The following ACACB variants were observed in gnomAD, a reference collection of about 807,000 sequenced individuals.
ACACB encodes acetyl-CoA carboxylase 2.
Under a neutral mutation model 278.8 loss-of-function variants are expected in ACACB, and 209 were observed. That is an observed-to-expected ratio of 0.75 (90% CI 0.67 to 0.84). The LOEUF (loss-of-function observed/expected upper bound fraction) is 0.84. ACACB is among the 40% of genes least tolerant of loss of function. The probability of loss-of-function intolerance (pLI) is 0.00; values close to 1 mark genes in which losing one functional copy is unlikely to be tolerated. For missense variants in ACACB, 2,850 were observed against 3,269.0 expected (o/e 0.87, Z 3.13); for synonymous variants, 1,174 against 1,285.6 (o/e 0.91, Z 1.86).
At chr12:109,177,237 G>C (rs1464326986) in intron 9 of ACACB, among the ~76,000 whole-genome samples, 3 of 152,220 alleles carry the variant, frequency 2.0e-5, no homozygotes, top group Non-Finnish European at 1.5e-5. Context: ...TGTGGCAATA[G>C]CCTTATTTAT....
At chr12:109,124,153 AT>A (rs1195882121) in intron 1 of ACACB, among the ~76,000 whole-genome samples, 2 of 152,198 alleles carry the variant, frequency 1.3e-5, no homozygotes, top group African/African-American at 4.8e-5. Flanking sequence ...TACCTAGTTC[AT>A]GCTGACTGTC....
chr12:109,167,750 A>T, intron 3 of ACACB, 146 bp from the exon 4 acceptor site: 1 of 1,234,244 alleles, frequency 8.1e-7, no homozygotes, highest in Admixed American at 2.1e-5. Context: ...GGTGTGTGCC[A>T]TGGAAATACA....
chr12:109,140,352 C>G (rs925116922), intron 2 of ACACB, among the ~76,000 whole-genome samples: 1 of 126,678 alleles, frequency 7.9e-6, no homozygotes, highest in Non-Finnish European at 1.6e-5. Context: ...CCTTCCTTCC[C>G]TCCTTTCAAA....
intron 2 of ACACB, among the ~76,000 whole-genome samples, chr12:109,150,853 T>C (rs924661457): frequency 6.6e-6 from 1 of 152,260 alleles, no homozygotes; most frequent in African/African-American, 2.4e-5. Flanking sequence ...CTTCCTGTAA[T>C]GTTTAATTTA....
chr12:109,256,085 G>C, intron 44 of ACACB, 55 bp from the exon 45 acceptor site: 2 of 1,497,466 alleles, frequency 1.3e-6, no homozygotes. Flanking sequence ...GGAGTGTCCT[G>C]GGGGCCCCCA....
intron 1 of ACACB, among the ~76,000 whole-genome samples, chr12:109,121,000 C>T (rs531100081): frequency 3.9e-5 from 6 of 152,234 alleles, no homozygotes; most frequent in Admixed American, 6.5e-5. Context: ...GGTGCAGTGG[C>T]GTGATCTCAG....
chr12:109,222,266 C>T (rs2046189681), intron 24 of ACACB, among the ~76,000 whole-genome samples: 1 of 139,658 alleles, frequency 7.2e-6, no homozygotes, highest in Non-Finnish European at 1.6e-5. Context: ...GCATTTAGGG[C>T]ATGTTGTGGG....
At position 109,233,816 on chromosome 12, in the gene ACACB, G is replaced by T; in HGVS notation, c.4208G>T (p.Arg1403Leu). The T allele has an allele frequency of 2.5e-6, 4 of 1,614,156 alleles. No homozygotes were observed. Among genetic ancestry groups the T allele is most frequent in the Non-Finnish European group, 2.5e-6 (3 of 1,180,032 alleles). The change falls in exon 30 of 53, where the codon CGC (arginine) becomes CTC (leucine). Residue 1403 changes from arginine (R) to leucine (L), a missense_variant. Physicochemically the swap from Arg to Leu is moderately radical, Grantham distance 102. Around this residue, in one of 3 missense-constraint regions of ACACB, gnomAD observed 2,265 missense variants for 2,561.3 expected, o/e 0.88. Coordinates refer to ENST00000338432, the MANE Select transcript of ACACB (RefSeq NM_001093.4). Reference protein sequence around the residue: ...PKDTPLFSEARTSLYSEDDCK... With the variant: ...PKDTPLFSEALTSLYSEDDCK... ...GACACCCCCCTCTTCAGCGAGGCCC[G>T]CACCTCCCTATACTCCGAGGATGAC...
intron 6 of ACACB, 152 bp from the exon 7 acceptor site, chr12:109,173,980 T>G: frequency 1.6e-5 from 9 of 568,026 alleles, no homozygotes; most frequent in Admixed American, 3.3e-5. Context: ...TTCCCTGACA[T>G]GAGGTTAAGC....
chr12:109,210,653 G>A (rs36074981), intron 21 of ACACB, among the ~76,000 whole-genome samples: 24,781 of 150,714 alleles, frequency 0.16, 2,552 homozygotes, highest in East Asian at 0.32. Flanking sequence ...ATTGGCTCAC[G>A]CCTGTAATCC....
At position 109,128,089 on chromosome 12, in the gene ACACB, C is replaced by T. The variant is rs983624639; in HGVS notation, c.-9-11308C>T. ...ACTTTTTGCTCTCCCTCACGTCTGT[C>T]TCCAACCCGGAAGGTATCCTCTCTG... On this transcript the variant is annotated intron_variant, in intron 1 of 52. Transcript: ENST00000338432. Among the ~76,000 whole-genome samples, 7 of 152,266 alleles carry T rather than the reference C, an allele frequency of 4.6e-5. No individual in the cohort carries two copies. In the South Asian group the frequency reaches 1.5e-3, roughly 32 times the overall value.
chr12:109,192,094 T>G lies in ACACB; in HGVS notation c.2399+144T>G, dbSNP rs2044913643. 1.1e-5 allele frequency: 9 copies of G among 855,392 alleles called. 1 individual carries two copies. The South Asian group carries it at 1.5e-4, about 14-fold the overall frequency. 53.0% of individuals were successfully genotyped at this position (855,392 alleles called of 1,614,324 possible). ...TCCGGTCTTGCCTCTGGGAAATTCC[T>G]CTACAGATCAACCTAGGCTACCCTT... On this transcript the variant is annotated intron_variant, in intron 15 of 52. Coordinates refer to ENST00000338432, the MANE Select transcript of ACACB (RefSeq NM_001093.4).
At chr12:109,218,636 A>G (rs2136484134) in intron 24 of ACACB, among the ~76,000 whole-genome samples, 1 of 151,648 alleles carries the variant, frequency 6.6e-6, no homozygotes, top group East Asian at 1.9e-4. Context: ...GGCTTATAGT[A>G]GAAAGGGGTT....
At chr12:109,259,167 C>A in intron 47 of ACACB, 59 bp downstream of exon 47, 3 of 1,580,178 alleles carry the variant, frequency 1.9e-6, no homozygotes, top group Middle Eastern at 1.7e-4. Flanking sequence ...CAGGACAGCA[C>A]CCTCTGGGTG....
intron 49 of ACACB, chr12:109,262,978 A>ATATATATATATATATATG (rs1565985896): frequency 4.4e-5 from 6 of 136,576 alleles, no homozygotes; most frequent in African/African-American, 1.6e-4. Context: ...ATATATATAT[A>ATATATATATATATATATG]TATATTGCCA....
intron 7 of ACACB, among the ~76,000 whole-genome samples, chr12:109,174,545 T>TG (rs1380917897): frequency 1.2e-4 from 16 of 134,808 alleles, no homozygotes; most frequent in Admixed American, 3.0e-4. Context: ...CCATATTCTT[T>TG]GGGAAAAAAA....
At chr12:109,209,861 A>G (rs1235089641) in intron 21 of ACACB, among the ~76,000 whole-genome samples, 1 of 132,600 alleles carries the variant, frequency 7.5e-6, no homozygotes, top group Non-Finnish European at 1.6e-5. Flanking sequence ...ATATATGTAT[A>G]TACACACATA....
chr12:109,135,712 T>C (rs1371180938), intron 1 of ACACB, among the ~76,000 whole-genome samples: 1 of 152,010 alleles, frequency 6.6e-6, no homozygotes, highest in Non-Finnish European at 1.5e-5. Flanking sequence ...TTTGAGTTAA[T>C]GATTGTATGT....
At chr12:109,182,937 T>C (rs2044529465) in intron 11 of ACACB, among the ~76,000 whole-genome samples, 1 of 152,226 alleles carries the variant, frequency 6.6e-6, no homozygotes, top group African/African-American at 2.4e-5. Flanking sequence ...TTTCAGGTCT[T>C]AGATTTAAGT....
Sources: gnomAD v4.1 joint callset for allele counts (sites outside exome capture counted in the v4.1 genomes callset) on GRCh38, gnomAD v4.1.1 for gene constraint, gnomAD v4.1.1 regional missense constraint, MANE v1.5 for transcripts, NCBI Gene and HGNC (gene_info 2026-07-23, HGNC 2026-07-21) for gene names.